The following SLC39A14 variants were observed in gnomAD, a reference collection of about 807,000 sequenced individuals.
SLC39A14 encodes solute carrier family 39 member 14, also known as metal cation symporter ZIP14.
SLC39A14 carries 19 observed loss-of-function variants against 45.5 expected under a neutral mutation model. The ratio of observed to expected loss-of-function variants is 0.42; its 90% CI spans 0.29 to 0.61. SLC39A14 has a LOEUF of 0.61. SLC39A14 is among the 20% of genes least tolerant of loss of function. The pLI, the probability that SLC39A14 is intolerant of heterozygous loss-of-function variation, is 0.22. For missense variants in SLC39A14, 447 were observed against 616.5 expected (o/e 0.73, Z 2.91); for synonymous variants, 264 against 251.3 (o/e 1.05, Z -0.48).
At chr8:22,430,577 G>A (rs372748841) in intron 8 of SLC39A14, among the ~76,000 whole-genome samples, 34 of 152,260 alleles carry the variant, frequency 2.2e-4, no homozygotes, top group East Asian at 1.5e-3. Flanking sequence ...CACCAAATGT[G>A]TTATGTACTG....
intron 1 of SLC39A14, among the ~76,000 whole-genome samples, chr8:22,389,427 C>T (rs77375397): frequency 0.03 from 4,505 of 148,356 alleles, 213 homozygotes; most frequent in African/African-American, 0.1. Context: ...TAGGAGATCG[C>T]GCAGGGGGAG....
chr8:22,427,497 A>G (rs769265864), downstream of SLC39A14, among the ~76,000 whole-genome samples: 1 of 152,116 alleles, frequency 6.6e-6, no homozygotes, highest in East Asian at 1.9e-4. Context: ...GTCTTTAATT[A>G]TAAATGCTAG....
intron 1 of SLC39A14, among the ~76,000 whole-genome samples, chr8:22,395,406 C>T (rs1834329760): frequency 6.6e-6 from 1 of 152,218 alleles, no homozygotes; most frequent in Non-Finnish European, 1.5e-5. Context: ...CATCTGCATT[C>T]ACTGTGATTA....
chr8:22,393,159 G>A (rs938113268), intron 1 of SLC39A14: 84 of 980,956 alleles, frequency 8.6e-5, no homozygotes, highest in Non-Finnish European at 9.3e-5. Flanking sequence ...CCCTGGGTGC[G>A]CTTTGACTGT....
Position 22,421,080 on chromosome 8 carries a change from A to G in SLC39A14, c.*1382A>G, listed in dbSNP as rs1836199709. On this transcript the variant is annotated 3_prime_UTR_variant, in exon 9 of 9. Coordinates refer to ENST00000381237, the MANE Select transcript of SLC39A14 (RefSeq NM_001128431.4). The stretch of plus-strand genomic sequence containing the variant: ...GGTTCACTAGGTGAATTGATTTATT[A>G]TTATCATATTGATAATGTGAGATTC... 3.0e-6 allele frequency: 3 copies of G among 985,696 alleles called. No homozygotes were observed. The South Asian group carries it at 1.4e-4, about 46-fold the overall frequency. The allele number at this position is 985,696 out of a possible 1,614,324, so 61.1% of individuals were successfully genotyped here.
rs958813430 is a variant in SLC39A14 at position 22,408,476 on chromosome 8, G to A, written c.437G>A (p.Gly146Glu). ...ENEENEQTEE[G>E]RPSAVEVWGY... ...GAGGAGAATGAGCAGACGGAGGAGG[G>A]GCGGCCAAGCGCTGTTGAAGGTGAG... is the stretch of plus-strand genomic sequence containing the variant. Residue 146 changes from glycine (G) to glutamate (E), a missense_variant, in exon 3 of 9, where the codon GGG (glycine) becomes GAG (glutamate). By Grantham distance (98) the Gly-to-Glu change is moderately conservative. Around this residue, in one of 2 missense-constraint regions of SLC39A14, gnomAD observed 342 missense variants for 428.1 expected, o/e 0.80. Transcript: ENST00000381237. 1.9e-6 allele frequency: 3 copies of A among 1,613,894 alleles called. No homozygotes were observed. The highest frequency in any genetic ancestry group is 1.7e-5 in the Admixed American group (1 of 60,024).
intron 1 of SLC39A14, among the ~76,000 whole-genome samples, chr8:22,381,558 T>A (rs555136808): frequency 6.6e-6 from 1 of 152,260 alleles, no homozygotes; most frequent in African/African-American, 2.4e-5. Flanking sequence ...GCGTGAGCCA[T>A]AGCGCCCGGC....
At chr8:22,396,600 A>G (rs11985555) in intron 1 of SLC39A14, among the ~76,000 whole-genome samples, 3 of 25,168 alleles carry the variant, frequency 1.2e-4, no homozygotes, top group Non-Finnish European at 2.3e-4. Flanking sequence ...GAGAGAGAGA[A>G]GACTAAGTGG....
chr8:22,392,268 G>A (rs552704343), intron 1 of SLC39A14, among the ~76,000 whole-genome samples: 38 of 152,304 alleles, frequency 2.5e-4, no homozygotes, highest in African/African-American at 8.2e-4. Context: ...GTGCTGTGCT[G>A]TGCAGCCTTT....
intron 1 of SLC39A14, among the ~76,000 whole-genome samples, chr8:22,378,509 G>C (rs975698659): frequency 1.3e-5 from 2 of 152,100 alleles, no homozygotes; most frequent in African/African-American, 2.4e-5. Flanking sequence ...ACCAGGCAGG[G>C]GCCACTCTCA....
intron 8 of SLC39A14, among the ~76,000 whole-genome samples, chr8:22,433,397 G>A (rs1836496834): frequency 6.6e-6 from 1 of 151,752 alleles, no homozygotes. Context: ...CCAGGATGGA[G>A]TGCAGTGGCT....
chr8:22,423,346 T>G (rs956014825), downstream of SLC39A14, among the ~76,000 whole-genome samples: 5 of 151,470 alleles, frequency 3.3e-5, no homozygotes, highest in South Asian at 4.2e-4. Flanking sequence ...TTTTGTTTTT[T>G]TTTTTTTGAG....
At chr8:22,411,870 GTC>G in intron 3 of SLC39A14, 165 bp from the exon 4 acceptor site, 1 of 596,010 alleles carries the variant, frequency 1.7e-6, no homozygotes, top group Middle Eastern at 4.5e-4. Flanking sequence ...CTCCCTACTT[GTC>G]TCTCTCTGAT....
chr8:22,414,334 G>A (rs556931082), intron 4 of SLC39A14, among the ~76,000 whole-genome samples: 22 of 152,218 alleles, frequency 1.4e-4, no homozygotes, highest in African/African-American at 3.9e-4. Flanking sequence ...TGGGTTTCCC[G>A]TTTTAGAAAG....
intron 1 of SLC39A14, among the ~76,000 whole-genome samples, chr8:22,386,104 T>A (rs937290005): frequency 6.6e-6 from 1 of 151,934 alleles, no homozygotes; most frequent in African/African-American, 2.4e-5. Flanking sequence ...TACGCCTGGC[T>A]AATTTTTTGT....
chr8:22,393,254 G>T, intron 1 of SLC39A14: 1 of 985,478 alleles, frequency 1.0e-6, no homozygotes, highest in South Asian at 4.7e-5. Flanking sequence ...AGCAGTAGGT[G>T]GGAGGGCAAG....
chr8:22,409,837 A>G (rs985421421), intron 3 of SLC39A14: 1 of 1,085,540 alleles, frequency 9.2e-7, no homozygotes, highest in Non-Finnish European at 1.4e-6. Flanking sequence ...GGGTTGGTGG[A>G]TCTCAGTCTG....
At chr8:22,404,197 G>C (rs931032074) in intron 1 of SLC39A14, among the ~76,000 whole-genome samples, 4 of 152,132 alleles carry the variant, frequency 2.6e-5, no homozygotes, top group Non-Finnish European at 5.9e-5. Context: ...GCCGAGGTGG[G>C]TGGATCACCT....
At chr8:22,377,127 A>G (rs193176169) in intron 1 of SLC39A14, among the ~76,000 whole-genome samples, 2 of 152,150 alleles carry the variant, frequency 1.3e-5, no homozygotes, top group East Asian at 1.9e-4. Flanking sequence ...CTGCTTCCCC[A>G]TTTATTTATG....
Sources: allele counts gnomAD v4.1 joint callset (sites outside exome capture counted in the v4.1 genomes callset), GRCh38; gene constraint gnomAD v4.1.1; regional missense constraint gnomAD v4.1.1; transcripts MANE v1.5; gene names NCBI Gene and HGNC (gene_info 2026-07-23, HGNC 2026-07-21).